TNKS2: variants seen among roughly 807,000 people sequenced by gnomAD.
The protein encoded by TNKS2 is poly [ADP-ribose] polymerase tankyrase-2.
Under a neutral mutation model 137.6 loss-of-function variants are expected in TNKS2, and 72 were observed. The ratio of observed to expected loss-of-function variants is 0.52; its 90% CI spans 0.43 to 0.64. The LOEUF is 0.64. Among genes scored for constraint, TNKS2 ranks in the 30% least tolerant of loss-of-function variants. TNKS2 has a pLI of 0.00. For synonymous variants in TNKS2, 516 were observed against 512.1 expected (o/e 1.01, Z -0.10); for missense variants, 1,049 against 1,410.2 (o/e 0.74, Z 4.10).
intron 1 of TNKS2, chr10:91,807,235 G>T: frequency 3.1e-6 from 5 of 1,606,320 alleles, no homozygotes; most frequent in Non-Finnish European, 4.3e-6. Context: ...AGTCGCATTA[G>T]TTGACTGTGG....
In TNKS2 at chr10:91,847,834, A is replaced by G. The variant is rs557384118; in HGVS notation, c.2359-549A>G. Among the ~76,000 whole-genome samples, 19 of 152,322 alleles carry G rather than the reference A, an allele frequency of 1.2e-4. No homozygotes were observed. In the East Asian group the frequency reaches 2.9e-3, roughly 23 times the overall value. On this transcript the variant is annotated intron_variant, in intron 18 of 26. Transcript: ENST00000371627. ...TCAGAGTAACTACAATAGGACTAAA[A>G]TCTCTTACCTTTTAAAATTGATATT... is the stretch of plus-strand genomic sequence containing the variant.
rs749826420 is a variant in TNKS2, at chr10:91,827,242, A to G, written c.982+39A>G. The G allele has an allele frequency of 4.4e-6, 6 of 1,352,784 alleles. No individual in the cohort carries two copies. The South Asian group carries it at 1.3e-4, about 30-fold the overall frequency. The allele number at this position is 1,352,784 out of a possible 1,614,324, so 83.8% of individuals were successfully genotyped here. A position where few individuals can be genotyped will look rare whatever the true frequency, so the allele number is the denominator to read the frequency against. ...TATGAATGTTCAGGTAGGATATTATATCAATAAACTGAACATTTTTTCTTT... is the reference window on the plus strand; with the variant it reads ...TATGAATGTTCAGGTAGGATATTATGTCAATAAACTGAACATTTTTTCTTT... On this transcript the variant is annotated intron_variant, in intron 8 of 26. Transcript: ENST00000371627.
intron 7 of TNKS2, among the ~76,000 whole-genome samples, chr10:91,823,320 G>GTTT (rs3043666): frequency 9.0e-4 from 102 of 113,594 alleles, no homozygotes; most frequent in Non-Finnish European, 1.3e-3. Context: ...TGGTTTTTTG[G>GTTT]TTTTTTTTTT....
chr10:91,836,755 T>A (rs1842033107), intron 12 of TNKS2, 164 bp from the exon 13 acceptor site: 1 of 985,332 alleles, frequency 1.0e-6, no homozygotes, highest in South Asian at 4.7e-5. Context: ...GAGAATCTTA[T>A]TTTTCACTCC....
At chr10:91,832,122 G>A (rs985405985) in intron 11 of TNKS2, among the ~76,000 whole-genome samples, 2 of 151,786 alleles carry the variant, frequency 1.3e-5, no homozygotes, top group Non-Finnish European at 2.9e-5. Flanking sequence ...TTGATTTGGG[G>A]GAATTCTTGA....
At chr10:91,855,169 T>C (rs753780824) in intron 22 of TNKS2, 43 bp downstream of exon 22, 1 of 1,184,536 alleles carries the variant, frequency 8.4e-7, no homozygotes, top group Non-Finnish European at 1.3e-6. Context: ...CGTATATATT[T>C]AGTTCACTTT....
rs746703896 is a variant in TNKS2, at chr10:91,844,994, G to A, written c.2135G>A (p.Gly712Glu). The A allele has an allele frequency of 6.2e-7, 1 of 1,612,428 alleles. No individual in the cohort carries two copies. The highest frequency in any genetic ancestry group is 8.5e-7 in the Non-Finnish European group (1 of 1,178,654). Residue 712 changes from glycine (G) to glutamate (E), a missense_variant, in exon 17 of 27, where the codon GGA becomes GAA. Coordinates refer to ENST00000371627, the MANE Select transcript of TNKS2 (RefSeq NM_025235.4). ...GADVNAQDKG[G>E]LIPLHNAASY... ...GATGTGAATGCCCAAGACAAAGGAG[G>A]ACTTATTCCTTTACATAATGCAGCA... is the stretch of plus-strand genomic sequence containing the variant.
At chr10:91,851,413 T>C in intron 21 of TNKS2, 77 bp downstream of exon 21, 1 of 1,245,154 alleles carries the variant, frequency 8.0e-7, no homozygotes, top group Non-Finnish European at 1.1e-6. Flanking sequence ...AAGTTATAAT[T>C]TAAAAATATG....
chr10:91,828,268 G>A lies in TNKS2; in HGVS notation c.983-17G>A, dbSNP rs1845127541. ...ATTTGAACTCGTTATACATGTAAAT[G>A]CTTTTTCTTCATCTAGATGAATTTA... On this transcript the variant is annotated splice_polypyrimidine_tract_variant and intron_variant, in intron 8 of 26. Transcript: ENST00000371627. The A allele has an allele frequency of 1.9e-6, 3 of 1,547,898 alleles. No homozygotes were observed. In the East Asian group the frequency reaches 7.1e-5, roughly 37 times the overall value.
At chr10:91,859,026 A>G (rs142539595) in intron 24 of TNKS2, among the ~76,000 whole-genome samples, 1 of 152,292 alleles carries the variant, frequency 6.6e-6, no homozygotes, top group African/African-American at 2.4e-5. Flanking sequence ...TTTAAAAAAA[A>G]AAAGAATGTG....
In TNKS2 at chr10:91,807,155, G is replaced by C; in HGVS notation, c.200-5828G>C. The C allele has an allele frequency of 3.2e-6, 5 of 1,574,094 alleles. No homozygotes were observed. The Admixed American group carries it at 5.0e-5, about 16-fold the overall frequency. On this transcript the variant is annotated intron_variant, in intron 1 of 26. Transcript: ENST00000371627. ...AAAGATATTTACTTCCTAAGTACAC[G>C]ACAAAGTCTTCATTTCAAACCATTC...
At chr10:91,824,175 A>G (rs7913826) in intron 7 of TNKS2, among the ~76,000 whole-genome samples, 49,576 of 152,078 alleles carry the variant, frequency 0.33, 8,600 homozygotes, top group South Asian at 0.53. Context: ...CCAGGATAGT[A>G]AAGTTAAGCA....
intron 1 of TNKS2, among the ~76,000 whole-genome samples, chr10:91,806,499 A>G (rs181530822): frequency 2.9e-4 from 44 of 152,130 alleles, no homozygotes; most frequent in South Asian, 1.2e-3. Context: ...CCATTCATAC[A>G]CTCAAATAAA....
intron 1 of TNKS2, among the ~76,000 whole-genome samples, chr10:91,806,479 GATC>G (rs1275538756): frequency 2.0e-5 from 3 of 152,058 alleles, no homozygotes; most frequent in Non-Finnish European, 4.4e-5. Flanking sequence ...ATAGCACAGT[GATC>G]ATCATTCCAT....
chr10:91,821,751 G>A (rs1275999812), intron 6 of TNKS2, among the ~76,000 whole-genome samples: 2 of 152,176 alleles, frequency 1.3e-5, no homozygotes, highest in Admixed American at 1.3e-4. Context: ...GTAGAAATGA[G>A]CCAGAACAAA....
chr10:91,798,850 A>G lies in TNKS2; in HGVS notation c.160A>G (p.Thr54Ala). 1 of 1,357,294 alleles carries G rather than the reference A, an allele frequency of 7.4e-7. No homozygotes were observed. The highest frequency in any genetic ancestry group is 2.0e-4 in the Middle Eastern group (1 of 5,120). The allele number at this position is 1,357,294 out of a possible 1,614,324, so 84.1% of individuals were successfully genotyped here. A position where few individuals can be genotyped will look rare whatever the true frequency, so the allele number is the denominator to read the frequency against. The part of the protein sequence containing the change: ...VTPEKVNSRD[T>A]AGRKSTPLHF... ...GCCTGAGAAGGTGAACAGCCGCGAC[A>G]CGGCGGGCAGGAAATCCACCCCGCT... Residue 54 changes from threonine (T) to alanine (A), a missense_variant, in exon 1 of 27, where the codon ACG becomes GCG. This residue lies in a region of TNKS2 where 374 missense variants were observed against 460.8 expected (regional missense o/e 0.81). Transcript: ENST00000371627.
intron 2 of TNKS2, among the ~76,000 whole-genome samples, chr10:91,813,826 A>G (rs562272078): frequency 5.3e-5 from 8 of 152,270 alleles, no homozygotes; most frequent in African/African-American, 1.9e-4. Flanking sequence ...CCTGTCACCT[A>G]CTGACTTTGT....
chr10:91,800,338 T>TA (rs1229973941), intron 1 of TNKS2, among the ~76,000 whole-genome samples: 2 of 152,362 alleles, frequency 1.3e-5, no homozygotes, highest in East Asian at 3.8e-4. Flanking sequence ...GATCAACTGA[T>TA]ACATAAGCCA....
chr10:91,863,036 AATC>A lies in TNKS2; in HGVS notation c.*42_*44del. The A allele has an allele frequency of 6.6e-7, 1 of 1,508,404 alleles. No homozygotes were observed. The highest frequency in any genetic ancestry group is 9.2e-7 in the Non-Finnish European group (1 of 1,088,416). The allele number at this position is 1,508,404 out of a possible 1,614,324, so 93.4% of individuals were successfully genotyped here. ...AAGAAACTAATTCCACTGAACCTAA[AATC>A]ATCAAAGCAGCAGTGGCCTCTACGT... On this transcript the variant is annotated 3_prime_UTR_variant, in exon 27 of 27. Coordinates refer to ENST00000371627, the MANE Select transcript of TNKS2 (RefSeq NM_025235.4).
Sources: allele counts gnomAD v4.1 joint callset (sites outside exome capture counted in the v4.1 genomes callset), GRCh38; gene constraint gnomAD v4.1.1; regional missense constraint gnomAD v4.1.1; transcripts MANE v1.5; gene names NCBI Gene and HGNC (gene_info 2026-07-23, HGNC 2026-07-21).